Variants in ITCH observed in about 807,000 individuals in gnomAD.
ITCH encodes the protein E3 ubiquitin-protein ligase Itchy homolog.
ITCH carries 28 observed loss-of-function variants against 126.8 expected under a neutral mutation model. The ratio of observed to expected loss-of-function variants is 0.22; its 90% CI spans 0.16 to 0.30. The LOEUF is 0.30. Ranked by LOEUF, ITCH falls within the 10% of genes least tolerant of loss-of-function variation. The pLI, the probability that ITCH is intolerant of heterozygous loss-of-function variation, is 1.00. For synonymous variants in ITCH, 342 were observed against 340.0 expected, an observed-to-expected ratio of 1.01 and a Z score of -0.06; for missense variants, 631 against 1,032.4, an observed-to-expected ratio of 0.61 and a Z score of 5.33.
At chr20:34,388,225 G>A (rs959636533) in intron 2 of ITCH, among the ~76,000 whole-genome samples, 1 of 151,522 alleles carries the variant, frequency 6.6e-6, no homozygotes, top group African/African-American at 2.4e-5. Context: ...GGCCTCCCAT[G>A]TAGCTGGGAC....
At chr20:34,456,568 GGC>G (rs1340925539) in intron 12 of ITCH, among the ~76,000 whole-genome samples, 1 of 147,776 alleles carries the variant, frequency 6.8e-6, no homozygotes, top group Non-Finnish European at 1.5e-5. Flanking sequence ...GGGAGGTCAA[GGC>G]TGTAGTGAGC....
At chr20:34,450,161 T>A (rs1985017080) in intron 12 of ITCH, among the ~76,000 whole-genome samples, 2 of 152,202 alleles carry the variant, frequency 1.3e-5, no homozygotes, top group Admixed American at 6.5e-5. Flanking sequence ...TTAACAATAA[T>A]GTACCAATGC....
intron 18 of ITCH, 61 bp from the exon 19 acceptor site, chr20:34,480,538 T>A: frequency 6.4e-7 from 1 of 1,569,502 alleles, no homozygotes. Flanking sequence ...ACATCTAATA[T>A]ATTGAAATAA....
At chr20:34,429,139 ATGT>A in intron 7 of ITCH, among the ~76,000 whole-genome samples, 1 of 152,202 alleles carries the variant, frequency 6.6e-6, no homozygotes, top group South Asian at 2.1e-4. Context: ...AGGTTTCACC[ATGT>A]TGGCCAGGTT....
chr20:34,400,642 T>C (rs921511799), intron 3 of ITCH, among the ~76,000 whole-genome samples: 2 of 125,794 alleles, frequency 1.6e-5, no homozygotes, highest in African/African-American at 6.4e-5. Flanking sequence ...AGAAAAAAAT[T>C]TTTCTTTTTT....
chr20:34,438,699 G>A (rs186480163), intron 8 of ITCH, 68 bp downstream of exon 8: 108 of 1,548,462 alleles, frequency 7.0e-5, no homozygotes, highest in Middle Eastern at 6.6e-4. Context: ...TCAGGTAAGT[G>A]TCAGGAAATT....
chr20:34,414,467 T>A (rs1415618017), intron 6 of ITCH, among the ~76,000 whole-genome samples: 1 of 147,980 alleles, frequency 6.8e-6, no homozygotes, highest in Non-Finnish European at 1.5e-5. Flanking sequence ...CTTTTTTTTT[T>A]TTTTTTTTTT....
chr20:34,483,112 C>T lies in ITCH; in HGVS notation c.2093+1906C>T, dbSNP rs554246596. 1.0e-4 allele frequency among the ~76,000 whole-genome samples: 15 copies of T among 149,064 alleles called. No individual in the cohort carries two copies. The South Asian group carries it at 1.7e-3, about 17-fold the overall frequency. ...GCACACAGCGTGGGGACCCTGGGCC[C>T]GGCCCATGAAACCATTTTTAGCTCC... is the stretch of plus-strand genomic sequence containing the variant. On this transcript the variant is annotated intron_variant, in intron 20 of 24. Transcript: ENST00000374864.
chr20:34,367,797 C>G (rs2037472548), intron 1 of ITCH, among the ~76,000 whole-genome samples: 1 of 152,116 alleles, frequency 6.6e-6, no homozygotes, highest in South Asian at 2.1e-4. Flanking sequence ...GGTTTTGCAA[C>G]TCTGGGACTG....
intron 2 of ITCH, among the ~76,000 whole-genome samples, chr20:34,380,726 C>A (rs935556332): frequency 1.4e-5 from 2 of 146,822 alleles, no homozygotes; most frequent in African/African-American, 2.5e-5. Context: ...GCTATGATTA[C>A]AGGCATGAGC....
At chr20:34,433,294 AAAAC>A (rs751898257) in intron 7 of ITCH, among the ~76,000 whole-genome samples, 10 of 152,382 alleles carry the variant, frequency 6.6e-5, no homozygotes, top group East Asian at 5.8e-4. Flanking sequence ...TCGTCTCAAA[AAAAC>A]AAACAAACAA....
At chr20:34,488,831 TATTTAAAACCAGC>T (rs1989317558) in intron 20 of ITCH, among the ~76,000 whole-genome samples, 1 of 152,152 alleles carries the variant, frequency 6.6e-6, no homozygotes, top group Non-Finnish European at 1.5e-5. Context: ...TGAGGCCAGA[TATTTAAAACCAGC>T]CTTGGCATCA....
intron 16 of ITCH, among the ~76,000 whole-genome samples, chr20:34,473,850 C>T (rs1987871669): frequency 6.6e-6 from 1 of 152,154 alleles, no homozygotes; most frequent in Admixed American, 6.5e-5. Flanking sequence ...TATAAATTGT[C>T]GTAATTTCTC....
At chr20:34,425,500 T>C (rs542275186) in intron 7 of ITCH, among the ~76,000 whole-genome samples, 2 of 152,288 alleles carry the variant, frequency 1.3e-5, no homozygotes, top group East Asian at 3.9e-4. Context: ...TATCTCCTGC[T>C]CGTCCCTGGG....
At chr20:34,472,372 T>TAAAA (rs527802058) in intron 16 of ITCH, among the ~76,000 whole-genome samples, 3 of 79,694 alleles carry the variant, frequency 3.8e-5, no homozygotes, top group Non-Finnish European at 5.4e-5. Context: ...CATCTCAATT[T>TAAAA]AAAAAAAAAA....
In ITCH at chr20:34,442,553, A is replaced by G. The variant is rs1367806044; in HGVS notation, c.965+250A>G. 2.0e-5 allele frequency among the ~76,000 whole-genome samples: 3 copies of G among 152,176 alleles called. No individual in the cohort carries two copies. The South Asian group carries it at 6.2e-4, about 32-fold the overall frequency. ...TATTTTATAGAAACAACATCTCGCT[A>G]TGTCGCCCAGGCTGGTTTTTAACTC... On this transcript the variant is annotated intron_variant, in intron 10 of 24. Transcript: ENST00000374864.
rs1244683958 is a variant in ITCH at position 34,462,308 on chromosome 20, G to C, written c.1424+87G>C. The C allele has an allele frequency of 2.2e-6, 3 of 1,386,306 alleles. No homozygotes were observed. In the African/African-American group the frequency reaches 4.3e-5, roughly 20 times the overall value. 85.9% of individuals were successfully genotyped at this position (1,386,306 alleles called of 1,614,324 possible). ...AGATTTGTATTAGCAAGGAGTGGAA[G>C]TCTTAGTATTTCTTGAGTTAGCTTG... On this transcript the variant is annotated intron_variant, in intron 14 of 24. Transcript: ENST00000374864.
At chr20:34,445,103 C>T (rs1184738705) in intron 10 of ITCH, among the ~76,000 whole-genome samples, 184 bp from the exon 11 acceptor site, 3 of 152,134 alleles carry the variant, frequency 2.0e-5, no homozygotes, top group Non-Finnish European at 2.9e-5. Flanking sequence ...CTGACTAATG[C>T]ATCTTATGAA....
chr20:34,412,159 C>A lies in ITCH; in HGVS notation c.213-356C>A, dbSNP rs568906933. ...GGTTACTATAAAGATAAAATAACTTCAAGCTCTGTAAACTACTGACATAAG... is the reference window on the plus strand; with the variant it reads ...GGTTACTATAAAGATAAAATAACTTAAAGCTCTGTAAACTACTGACATAAG... On this transcript the variant is annotated intron_variant, in intron 4 of 24. Coordinates refer to ENST00000374864, the MANE Select transcript of ITCH (RefSeq NM_031483.7). 4.6e-5 allele frequency among the ~76,000 whole-genome samples: 7 copies of A among 152,308 alleles called. No individual in the cohort carries two copies. In the South Asian group the frequency reaches 8.3e-4, roughly 18 times the overall value.
Sources: gnomAD v4.1 joint callset for allele counts (sites outside exome capture counted in the v4.1 genomes callset) on GRCh38, gnomAD v4.1.1 for gene constraint, MANE v1.5 for transcripts, NCBI Gene and HGNC (gene_info 2026-07-23, HGNC 2026-07-21) for gene names.